Variants in ADAMTS3 observed in about 807,000 individuals in gnomAD.
ADAMTS3 encodes ADAM metallopeptidase with thrombospondin type 1 motif 3.
A neutral mutation model predicts 129.0 loss-of-function variants in ADAMTS3; 73 were observed. The observed-to-expected ratio is 0.57, with a 90% confidence interval of 0.47 to 0.69. ADAMTS3 has a LOEUF of 0.69. Among genes scored for constraint, ADAMTS3 ranks in the 30% least tolerant of loss-of-function variants. The pLI is 0.00. For missense variants in ADAMTS3, 1,457 were observed against 1,514.5 expected, an observed-to-expected ratio of 0.96 and a Z score of 0.63; for synonymous variants, 477 against 510.8, an observed-to-expected ratio of 0.93 and a Z score of 0.89.
intron 21 of ADAMTS3, among the ~76,000 whole-genome samples, chr4:72,284,464 C>A (rs894816613): frequency 6.0e-5 from 9 of 150,034 alleles, no homozygotes; most frequent in African/African-American, 9.8e-5. Context: ...AAAAAAAATT[C>A]TCCAGTTTGA....
At chr4:72,407,698 G>C (rs1036828353) in intron 4 of ADAMTS3, among the ~76,000 whole-genome samples, 22 of 152,130 alleles carry the variant, frequency 1.4e-4, no homozygotes, top group African/African-American at 4.3e-4. Flanking sequence ...GATATTATCA[G>C]AGCTCTCAAA....
At chr4:72,306,375 C>T (rs1442919209) in intron 15 of ADAMTS3, among the ~76,000 whole-genome samples, 1 of 151,864 alleles carries the variant, frequency 6.6e-6, no homozygotes, top group Non-Finnish European at 1.5e-5. Flanking sequence ...CTATACTTTC[C>T]TGTGTCCCTC....
chr4:72,498,036 C>T (rs1233018633), intron 3 of ADAMTS3, among the ~76,000 whole-genome samples: 2 of 152,006 alleles, frequency 1.3e-5, no homozygotes, highest in East Asian at 3.9e-4. Flanking sequence ...TCTCTTTGTA[C>T]ATGCAGATGC....
At chr4:72,536,758 T>C (rs1578774902) in intron 3 of ADAMTS3, among the ~76,000 whole-genome samples, 1 of 152,150 alleles carries the variant, frequency 6.6e-6, no homozygotes, top group South Asian at 2.1e-4. Context: ...CCTTTGACCA[T>C]TTTACAAAAG....
rs530643886 is a variant in ADAMTS3 at position 72,520,456 on chromosome 4, C to G, written c.504+28022G>C. Among the ~76,000 whole-genome samples the G allele has an allele frequency of 5.6e-3, 859 of 152,330 alleles. 2 individuals carry two copies. Among genetic ancestry groups the G allele is most frequent in the African/African-American group, 0.02 (825 of 41,576 alleles). On this transcript the variant is annotated intron_variant, in intron 3 of 21. Coordinates refer to ENST00000286657, the MANE Select transcript of ADAMTS3 (RefSeq NM_014243.3). ...CCTGCCCCCAGAGGTGGAGCCTACA[C>G]AGACAGGCAGGCCTCCTTGAGCTGT...
intron 2 of ADAMTS3, among the ~76,000 whole-genome samples, chr4:72,556,205 T>G (rs1721762467): frequency 6.6e-6 from 1 of 151,742 alleles, no homozygotes; most frequent in South Asian, 2.1e-4. Flanking sequence ...GAGATTGCTC[T>G]GTGCTGGGGC....
chr4:72,448,783 C>A (rs1184528687), intron 3 of ADAMTS3, among the ~76,000 whole-genome samples: 3 of 151,380 alleles, frequency 2.0e-5, no homozygotes, highest in Non-Finnish European at 4.4e-5. Context: ...CTTTTCTACT[C>A]CCTAAAAAAG....
At chr4:72,311,624 T>C (rs1294445976) in intron 13 of ADAMTS3, among the ~76,000 whole-genome samples, 1 of 152,188 alleles carries the variant, frequency 6.6e-6, no homozygotes, top group Non-Finnish European at 1.5e-5. Context: ...ATAAAAACAA[T>C]GCATTTCTTC....
chr4:72,525,056 T>C (rs1345869850), intron 3 of ADAMTS3, among the ~76,000 whole-genome samples: 1 of 152,198 alleles, frequency 6.6e-6, no homozygotes, highest in Non-Finnish European at 1.5e-5. Context: ...TCTTCATCTA[T>C]AAAGCTATAA....
chr4:72,333,237 C>T (rs1321824483), intron 5 of ADAMTS3, among the ~76,000 whole-genome samples: 1 of 152,106 alleles, frequency 6.6e-6, no homozygotes, highest in Non-Finnish European at 1.5e-5. Context: ...AATCTAGACC[C>T]AAAACTAGAT....
chr4:72,566,153 TCTC>T (rs960410978), intron 2 of ADAMTS3, among the ~76,000 whole-genome samples: 3 of 152,114 alleles, frequency 2.0e-5, no homozygotes, highest in African/African-American at 4.8e-5. Context: ...TCCCCACTGT[TCTC>T]CTCTTGCCGT....
At chr4:72,528,698 G>A (rs536599429) in intron 3 of ADAMTS3, among the ~76,000 whole-genome samples, 53 of 151,996 alleles carry the variant, frequency 3.5e-4, no homozygotes, top group African/African-American at 8.7e-4. Flanking sequence ...TTTCAAGTTC[G>A]TAACACTCTC....
chr4:72,447,269 A>G (rs909247734), intron 3 of ADAMTS3, among the ~76,000 whole-genome samples: 2 of 151,770 alleles, frequency 1.3e-5, no homozygotes, highest in South Asian at 2.1e-4. Flanking sequence ...AACAAGCAAA[A>G]GGAGCAATTA....
At chr4:72,411,554 A>G (rs1441215543) in intron 4 of ADAMTS3, among the ~76,000 whole-genome samples, 1 of 152,016 alleles carries the variant, frequency 6.6e-6, no homozygotes, top group African/African-American at 2.4e-5. Context: ...CGAGCCAATA[A>G]CTGCTACCTC....
In ADAMTS3 at chr4:72,467,980, A is replaced by G. The variant is rs1266319289; in HGVS notation, c.505-53009T>C. ...TATATCATATATGCCTGTATGTATCAGAGCAAAGAAGGTTATAAACTCTGG... is the reference window on the plus strand; with the variant it reads ...TATATCATATATGCCTGTATGTATCGGAGCAAAGAAGGTTATAAACTCTGG... On this transcript the variant is annotated intron_variant, in intron 3 of 21. Transcript: ENST00000286657. Among the ~76,000 whole-genome samples the G allele has an allele frequency of 2.0e-5, 3 of 151,176 alleles. No homozygotes were observed. The East Asian group carries it at 5.8e-4, about 29-fold the overall frequency.
intron 3 of ADAMTS3, among the ~76,000 whole-genome samples, chr4:72,465,708 T>C (rs868712058): frequency 2.6e-5 from 4 of 151,962 alleles, no homozygotes; most frequent in South Asian, 2.1e-4. Flanking sequence ...CAAGTTGATA[T>C]GGTTTCCCTG....
intron 6 of ADAMTS3, among the ~76,000 whole-genome samples, chr4:72,322,534 A>G (rs1719583604): frequency 6.6e-6 from 1 of 152,204 alleles, no homozygotes; most frequent in African/African-American, 2.4e-5. Context: ...GTGGAAAGAT[A>G]TATGTATATA....
chr4:72,316,078 T>G, intron 10 of ADAMTS3, 107 bp from the exon 11 acceptor site: 2 of 520,488 alleles, frequency 3.8e-6, no homozygotes, highest in Non-Finnish European at 6.5e-6. Context: ...ATGTGTTTAT[T>G]TCAAGTTAAT....
At chr4:72,455,800 T>A (rs1718537538) in intron 3 of ADAMTS3, among the ~76,000 whole-genome samples, 1 of 111,522 alleles carries the variant, frequency 9.0e-6, no homozygotes, top group Middle Eastern at 4.0e-3. Flanking sequence ...ATATATATAT[T>A]TTGTGTCTAT....
Sources: gnomAD v4.1 joint callset for allele counts (sites outside exome capture counted in the v4.1 genomes callset) on GRCh38, gnomAD v4.1.1 for gene constraint, MANE v1.5 for transcripts, NCBI Gene and HGNC (gene_info 2026-07-23, HGNC 2026-07-21) for gene names.